CLCA2: variants seen among roughly 807,000 people sequenced by gnomAD.
CLCA2 encodes the protein chloride channel accessory 2.
Under a neutral mutation model 82.9 loss-of-function variants are expected in CLCA2, and 85 were observed. The observed-to-expected ratio is 1.03, with a 90% CI of 0.86 to 1.23. The LOEUF is 1.23. Among genes scored for constraint, CLCA2 ranks in the 50% most tolerant of loss-of-function variants. The pLI is 0.00. For missense variants in CLCA2, 1,089 were observed against 1,124.8 expected (o/e 0.97, Z 0.45); for synonymous variants, 421 against 391.7 (o/e 1.07, Z -0.88).
intron 2 of CLCA2, 27 bp downstream of exon 2, chr1:86,425,503 ATCTC>A: frequency 6.7e-7 from 1 of 1,488,222 alleles, no homozygotes; most frequent in Non-Finnish European, 9.0e-7. Context: ...TCATTCAATG[ATCTC>A]AAGGGGAAAA....
At chr1:86,429,102 C>T (rs938579730) in intron 3 of CLCA2, among the ~76,000 whole-genome samples, 2 of 152,030 alleles carry the variant, frequency 1.3e-5, no homozygotes, top group African/African-American at 4.8e-5. Context: ...TCCATCAAAG[C>T]AGTGTTTTAA....
rs1662573868 is a variant in CLCA2 at position 86,434,858 on chromosome 1, T to C, written c.972+113T>C. 3 of 849,566 alleles carry C rather than the reference T, an allele frequency of 3.5e-6. No individual in the cohort carries two copies. The Admixed American group carries it at 6.7e-5, about 19-fold the overall frequency. 52.6% of individuals were successfully genotyped at this position (849,566 alleles called of 1,614,324 possible). On this transcript the variant is annotated intron_variant, in intron 6 of 13. Coordinates refer to ENST00000370565, the MANE Select transcript of CLCA2 (RefSeq NM_006536.7). ...ACATGTGCAGGACGTTCAAGTTTGTTACACAGGTAGACATGTGCCATAGTG... is the reference window on the plus strand; with the variant it reads ...ACATGTGCAGGACGTTCAAGTTTGTCACACAGGTAGACATGTGCCATAGTG...
chr1:86,430,856 C>T lies in CLCA2; in HGVS notation c.476-6C>T. On this transcript the variant is annotated splice_polypyrimidine_tract_variant and splice_region_variant and intron_variant, in intron 3 of 13. Transcript: ENST00000370565. ...AGCTCAAAAGCAAAAGTTCTTTCTT[C>T]CGCAGGCCGAGTGTTTGTCCATGAA... 6.2e-7 allele frequency: 1 copy of T among 1,611,028 alleles called. No homozygotes were observed.
intron 13 of CLCA2, among the ~76,000 whole-genome samples, chr1:86,453,902 C>T (rs1044899989): frequency 6.6e-6 from 1 of 152,156 alleles, no homozygotes; most frequent in African/African-American, 2.4e-5. Context: ...ATGTGCTTCC[C>T]AGTACTGGAA....
At chr1:86,447,290 T>C (rs1291591378) in intron 10 of CLCA2, among the ~76,000 whole-genome samples, 1 of 152,164 alleles carries the variant, frequency 6.6e-6, no homozygotes, top group Non-Finnish European at 1.5e-5. Flanking sequence ...TAAAGAATTA[T>C]CTAGAAATAA....
At chr1:86,433,177 A>G (rs950240974) in intron 5 of CLCA2, among the ~76,000 whole-genome samples, 2 of 152,228 alleles carry the variant, frequency 1.3e-5, no homozygotes, top group Admixed American at 1.3e-4. Context: ...TTCTCACCAG[A>G]TGCATAGTCA....
intron 10 of CLCA2, among the ~76,000 whole-genome samples, chr1:86,444,879 T>TTGTTG (rs1662816829): frequency 8.1e-5 from 12 of 148,132 alleles, no homozygotes; most frequent in Admixed American, 2.0e-4. Flanking sequence ...CACCCCCACT[T>TTGTTG]TTGTTGTTGT....
At chr1:86,436,360 C>G (rs1324392671) in intron 6 of CLCA2, among the ~76,000 whole-genome samples, 2 of 152,220 alleles carry the variant, frequency 1.3e-5, no homozygotes, top group African/African-American at 4.8e-5. Context: ...TGCCTGCCTT[C>G]CTCCCTCCCT....
intron 10 of CLCA2, 117 bp from the exon 11 acceptor site, chr1:86,447,391 A>G (rs12752909): frequency 0.081 from 85,475 of 1,050,746 alleles, 3,953 homozygotes; most frequent in African/African-American, 0.15. Context: ...GTAGTATTTT[A>G]AAAAGTGCAA....
chr1:86,447,959 A>C (rs931185821), intron 11 of CLCA2, among the ~76,000 whole-genome samples, 181 bp downstream of exon 11: 1 of 152,144 alleles, frequency 6.6e-6, no homozygotes, highest in Non-Finnish European at 1.5e-5. Flanking sequence ...TAACATGGAA[A>C]AAGAGAGTCC....
chr1:86,442,214 G>A (rs1417824404), intron 9 of CLCA2, among the ~76,000 whole-genome samples: 7 of 152,060 alleles, frequency 4.6e-5, no homozygotes, highest in Non-Finnish European at 1.0e-4. Flanking sequence ...TTTATTTAAC[G>A]TGAAGATTAT....
intron 9 of CLCA2, among the ~76,000 whole-genome samples, chr1:86,442,586 A>C (rs1197075379): frequency 1.3e-5 from 2 of 152,326 alleles, no homozygotes; most frequent in Middle Eastern, 3.4e-3. Flanking sequence ...TCAGCAATCC[A>C]TAAATATTTC....
Position 86,443,814 on chromosome 1 carries a change from C to T in CLCA2, c.1516C>T (p.Pro506Ser). The T allele has an allele frequency of 1.2e-6, 2 of 1,613,870 alleles. No homozygotes were observed. Among genetic ancestry groups the T allele is most frequent in the East Asian group, 2.2e-5 (1 of 44,842 alleles). The change falls in exon 10 of 14, where the codon CCT (proline) becomes TCT (serine). Residue 506 changes from proline (P) to serine (S), a missense_variant. By Grantham distance (74) the Pro-to-Ser change is moderately conservative. Coordinates refer to ENST00000370565, the MANE Select transcript of CLCA2 (RefSeq NM_006536.7). ...TGAAAGTACAGGTGAAAATGTCAAACCTCACCATCAATTGAAAAACACAGT... is the reference window on the plus strand; with the variant it reads ...TGAAAGTACAGGTGAAAATGTCAAATCTCACCATCAATTGAAAAACACAGT... ...QLESTGENVK[P>S]HHQLKNTVTV...
intron 11 of CLCA2, 88 bp downstream of exon 11, chr1:86,447,866 G>A: frequency 7.4e-7 from 1 of 1,352,582 alleles, no homozygotes; most frequent in East Asian, 2.5e-5. Context: ...TTATCTGTAA[G>A]ATTCCTTGAG....
rs1663012931 is a variant in CLCA2, at chr1:86,453,427, G to A, written c.2214G>A (p.Lys738=). 6.2e-7 allele frequency: 1 copy of A among 1,614,140 alleles called. No homozygotes were observed. Among genetic ancestry groups the A allele is most frequent in the Non-Finnish European group, 8.5e-7 (1 of 1,180,024 alleles). The part of the protein sequence containing the change: ...KSVGRNEEER[K]WGFSRVSSGG... The stretch of plus-strand genomic sequence containing the variant: ...TAGGCAGAAATGAGGAGGAGCGAAA[G>A]TGGGGCTTTAGCCGAGTCAGCTCAG... Residue 738 remains lysine, a synonymous_variant, in exon 13 of 14, where the codon AAG becomes AAA. Coordinates refer to ENST00000370565, the MANE Select transcript of CLCA2 (RefSeq NM_006536.7).
chr1:86,436,058 C>T (rs1045646044), intron 6 of CLCA2, among the ~76,000 whole-genome samples: 4 of 152,158 alleles, frequency 2.6e-5, no homozygotes, highest in African/African-American at 7.2e-5. Context: ...TCTATGGATA[C>T]TTTATTGCTA....
intron 9 of CLCA2, 134 bp from the exon 10 acceptor site, chr1:86,443,653 G>T (rs1364352986): frequency 4.9e-5 from 31 of 635,500 alleles, no homozygotes; most frequent in Non-Finnish European, 7.8e-5. Flanking sequence ...TATGAAAAAT[G>T]ATGTATAACT....
chr1:86,425,908 C>A (rs1291419626), intron 2 of CLCA2, among the ~76,000 whole-genome samples: 1 of 152,132 alleles, frequency 6.6e-6, no homozygotes, highest in African/African-American at 2.4e-5. Flanking sequence ...TGACTGCCAT[C>A]TTATGCCATG....
At chr1:86,425,500 A>G (rs780415016) in intron 2 of CLCA2, 24 bp downstream of exon 2, 134 of 1,501,578 alleles carry the variant, frequency 8.9e-5, no homozygotes, top group Non-Finnish European at 1.2e-4. Flanking sequence ...ATTTCATTCA[A>G]TGATCTCAAG....
Sources: allele counts gnomAD v4.1 joint callset (sites outside exome capture counted in the v4.1 genomes callset), GRCh38; gene constraint gnomAD v4.1.1; transcripts MANE v1.5; gene names NCBI Gene and HGNC (gene_info 2026-07-23, HGNC 2026-07-21).